Variants in BRD4 observed in about 807,000 individuals in gnomAD.
The protein encoded by BRD4 is bromodomain containing 4.
BRD4 carries 16 observed loss-of-function variants against 142.1 expected under a neutral mutation model. That is an observed-to-expected ratio of 0.11 (90% CI 0.08 to 0.17). The LOEUF is 0.17. Ranked by LOEUF, BRD4 falls within the 10% of genes least tolerant of loss-of-function variation. The pLI is 1.00. For missense variants in BRD4, 1,424 were observed against 1,810.9 expected, an observed-to-expected ratio of 0.79 and a Z score of 3.88; for synonymous variants, 833 against 707.5, an observed-to-expected ratio of 1.18 and a Z score of -2.82.
intron 2 of BRD4, among the ~76,000 whole-genome samples, chr19:15,269,600 G>A (rs1188144922): frequency 1.3e-5 from 2 of 152,146 alleles, no homozygotes; most frequent in Non-Finnish European, 1.5e-5. Context: ...TGGACTTAAC[G>A]TTTCTTTCAT....
chr19:15,305,456 G>A (rs1196193298), intron 1 of BRD4, among the ~76,000 whole-genome samples: 9 of 152,196 alleles, frequency 5.9e-5, no homozygotes, highest in Admixed American at 5.9e-4. Context: ...TCCATCAGAG[G>A]TCTTGGGTGA....
chr19:15,300,256 A>C (rs2047856622), intron 1 of BRD4, among the ~76,000 whole-genome samples: 1 of 152,070 alleles, frequency 6.6e-6, no homozygotes, highest in South Asian at 2.1e-4. Flanking sequence ...TAAATAAATA[A>C]AAACAAATAA....
rs1408810244 is a variant in BRD4 at position 15,309,941 on chromosome 19, C to T, written c.-35+22349G>A. ...GCAGAGCTTGCCAATCTGGCTTCAC[C>T]GGGGGCTCCTCTCACCTGTTCTCTG... On this transcript the variant is annotated intron_variant, in intron 1 of 19. Transcript: ENST00000679869. 2.6e-5 allele frequency among the ~76,000 whole-genome samples: 4 copies of T among 152,202 alleles called. No homozygotes were observed. The South Asian group carries it at 6.2e-4, about 24-fold the overall frequency.
chr19:15,296,519 C>G (rs2047824195), intron 1 of BRD4, among the ~76,000 whole-genome samples: 1 of 152,172 alleles, frequency 6.6e-6, no homozygotes, highest in Non-Finnish European at 1.5e-5. Context: ...GTCAGCCACA[C>G]AAGGCCCAAA....
intron 10 of BRD4, 108 bp downstream of exon 10, chr19:15,255,189 G>GA (rs78211779): frequency 0.011 from 10,549 of 932,916 alleles, 14 homozygotes; most frequent in African/African-American, 0.025. Context: ...ATTATAATTG[G>GA]AAAAAAAAAA....
rs2145511653 is a variant in BRD4 at position 15,243,308 on chromosome 19, G to A, written c.2761C>T (p.Pro921Ser). 6.8e-7 allele frequency: 1 copy of A among 1,469,766 alleles called. No individual in the cohort carries two copies. Among genetic ancestry groups the A allele is most frequent in the Non-Finnish European group, 9.0e-7 (1 of 1,108,258 alleles). 91.0% of individuals were successfully genotyped at this position (1,469,766 alleles called of 1,614,324 possible). Residue 921 changes from proline to serine, a missense_variant, in exon 14 of 20, where the codon CCA (proline) becomes TCA (serine). Pro to Ser is a moderately conservative substitution (Grantham distance 74). Around this residue, in one of 16 missense-constraint regions of BRD4, gnomAD observed 598 missense variants for 647.8 expected, o/e 0.92. Coordinates refer to ENST00000679869, the MANE Select transcript of BRD4 (RefSeq NM_001379291.1). Reference sequence around the variant, plus strand: ...TGCATCTGCATGGAGGTGAGGGGTGGGGCAGGTGGCTCTTCATCCTCCAGC... The same window carrying A: ...TGCATCTGCATGGAGGTGAGGGGTGAGGCAGGTGGCTCTTCATCCTCCAGC... The part of the protein sequence containing the change: ...VLLEDEEPPA[P>S]PLTSMQMQLY...
chr19:15,241,073 G>C (rs1389244791), intron 14 of BRD4, among the ~76,000 whole-genome samples: 3 of 152,242 alleles, frequency 2.0e-5, no homozygotes, highest in Admixed American at 2.0e-4. Context: ...AACGCCAGAA[G>C]ACACTGCAGC....
chr19:15,301,570 A>AC (rs1199382853), intron 1 of BRD4, among the ~76,000 whole-genome samples: 3 of 145,652 alleles, frequency 2.1e-5, no homozygotes, highest in Non-Finnish European at 3.0e-5. Flanking sequence ...CTCAAAACAA[A>AC]AAAAAAAAAG....
Position 15,244,919 on chromosome 19 carries a change from C to A in BRD4, c.2159-157G>T, listed in dbSNP as rs915781331. On this transcript the variant is annotated intron_variant, in intron 11 of 19. Transcript: ENST00000679869. ...TCAATGAGGGATGAGTTGGTCATCA[C>A]GGGAGAGGGAGAGACATGCGAGGCA... The A allele has an allele frequency of 7.6e-6, 10 of 1,315,866 alleles. No individual in the cohort carries two copies. The African/African-American group carries it at 8.8e-5, about 12-fold the overall frequency. 81.5% of individuals were successfully genotyped at this position (1,315,866 alleles called of 1,614,324 possible).
At chr19:15,312,544 A>T (rs1414967889) in intron 1 of BRD4, among the ~76,000 whole-genome samples, 1 of 152,086 alleles carries the variant, frequency 6.6e-6, no homozygotes, top group Non-Finnish European at 1.5e-5. Flanking sequence ...AGGCAGGAGA[A>T]TTGCTTGAAC....
Position 15,256,137 on chromosome 19 carries a change from T to A in BRD4, c.1678A>T (p.Asn560Tyr). 6.2e-7 allele frequency: 1 copy of A among 1,611,902 alleles called. No individual in the cohort carries two copies. Among genetic ancestry groups the A allele is most frequent in the East Asian group, 2.2e-5 (1 of 44,892 alleles). The stretch of plus-strand genomic sequence containing the variant: ...GGTTCCTTGGCTTTGCTTTTTTTAT[T>A]CTCTTCCACTTCCTCTTTCCTTTTG... Reference protein sequence around the residue: ...KHKRKEEVEENKKSKAKEPPP... With the variant: ...KHKRKEEVEEYKKSKAKEPPP... The change falls in exon 9 of 20, where the codon AAT becomes TAT. Residue 560 changes from asparagine to tyrosine, a missense_variant. Physicochemically the swap from Asn to Tyr is moderately radical, Grantham distance 143 (BLOSUM62 -2). Around this residue, in one of 16 missense-constraint regions of BRD4, gnomAD observed 86 missense variants for 78.9 expected, o/e 1.09. Transcript: ENST00000679869.
At chr19:15,265,147 A>G (rs990136534) in intron 5 of BRD4, among the ~76,000 whole-genome samples, 3 of 152,228 alleles carry the variant, frequency 2.0e-5, no homozygotes, top group Admixed American at 6.5e-5. Context: ...TGCAGGGGGC[A>G]GGAACCCACT....
chr19:15,253,741 G>A (rs1041100132), intron 11 of BRD4: 4 of 1,598,310 alleles, frequency 2.5e-6, no homozygotes, highest in African/African-American at 1.3e-5. Flanking sequence ...ACTGTGATAC[G>A]GGGAAGGCCC....
intron 1 of BRD4, among the ~76,000 whole-genome samples, chr19:15,300,296 T>G (rs1462209666): frequency 4.7e-4 from 72 of 151,990 alleles, no homozygotes; most frequent in Admixed American, 4.7e-3. Context: ...GTGTGGTGGC[T>G]CACCCCTGTA....
At chr19:15,260,243 G>T (rs562097414) in intron 7 of BRD4, among the ~76,000 whole-genome samples, 1 of 152,306 alleles carries the variant, frequency 6.6e-6, no homozygotes, top group East Asian at 1.9e-4. Flanking sequence ...GAAAAATAAA[G>T]TGGCTCCTTT....
At chr19:15,317,619 GGGTGGTGGT>G (rs551558159) in intron 1 of BRD4, among the ~76,000 whole-genome samples, 8 of 151,832 alleles carry the variant, frequency 5.3e-5, no homozygotes, top group African/African-American at 1.2e-4. Flanking sequence ...GGTGGGCAAG[GGGTGGTGGT>G]GGTGGTGGTG....
chr19:15,303,554 G>A (rs1010814634), intron 1 of BRD4, among the ~76,000 whole-genome samples: 1 of 152,132 alleles, frequency 6.6e-6, no homozygotes, highest in African/African-American at 2.4e-5. Context: ...CTTATCAAAA[G>A]GAGTAACTGT....
chr19:15,261,574 T>C (rs566628927), intron 7 of BRD4, among the ~76,000 whole-genome samples: 1 of 152,112 alleles, frequency 6.6e-6, no homozygotes, highest in Non-Finnish European at 1.5e-5. Context: ...GGGGCAATGT[T>C]GTTTGTGAAG....
In BRD4 at chr19:15,267,462, G is replaced by C. The variant is rs764083835; in HGVS notation, c.513C>G (p.Ile171Met). Reference sequence around the variant, plus strand: ...CTCTTCCTTTTGCCTGGACTATCATGATCTCGGTTTCTTCTGTGGGTAGCT... The same window carrying C: ...CTCTTCCTTTTGCCTGGACTATCATCATCTCGGTTTCTTCTGTGGGTAGCT... The part of the protein sequence containing the change: ...INELPTEETE[I>M]MIVQAKGRGR... The change falls in exon 4 of 20, where the codon ATC becomes ATG. Residue 171 changes from isoleucine (I) to methionine (M), a missense_variant. Transcript: ENST00000679869. 6.2e-7 allele frequency: 1 copy of C among 1,614,214 alleles called. No individual in the cohort carries two copies. The highest frequency in any genetic ancestry group is 8.5e-7 in the Non-Finnish European group (1 of 1,180,044).
Sources: allele counts gnomAD v4.1 joint callset (sites outside exome capture counted in the v4.1 genomes callset), GRCh38; gene constraint gnomAD v4.1.1; regional missense constraint gnomAD v4.1.1; transcripts MANE v1.5; gene names NCBI Gene and HGNC (gene_info 2026-07-23, HGNC 2026-07-21).